HSF4: variants seen among roughly 807,000 people sequenced by gnomAD.
HSF4 encodes heat shock transcription factor 4.
A neutral mutation model predicts 52.0 loss-of-function variants in HSF4; 41 were observed. The observed-to-expected ratio is 0.79, with a 90% CI of 0.61 to 1.02. The LOEUF (loss-of-function observed/expected upper bound fraction) is 1.02, where lower values mean the gene tolerates loss of function less well. Among genes scored for constraint, HSF4 ranks in the 50% least tolerant of loss-of-function variants. The pLI, the probability that HSF4 is intolerant of heterozygous loss-of-function variation, is 0.00. For synonymous variants in HSF4, 285 were observed against 273.0 expected (o/e 1.04, Z -0.43); for missense variants, 610 against 651.1 (o/e 0.94, Z 0.69).
Position 67,168,822 on chromosome 16 carries a change from T to G in HSF4, c.1083-9T>G. On this transcript the variant is annotated splice_polypyrimidine_tract_variant and intron_variant, in intron 9 of 12. Coordinates refer to ENST00000521374, the MANE Select transcript of HSF4 (RefSeq NM_001374675.1). ...ACACTGCAGGCCAAAAGCAGTTCTG[T>G]CTGCACAGGGGGCCTCTGGGCCTGG... 6.2e-7 allele frequency: 1 copy of G among 1,610,822 alleles called. No individual in the cohort carries two copies. Among genetic ancestry groups the G allele is most frequent in the Non-Finnish European group, 8.5e-7 (1 of 1,177,618 alleles).
upstream of HSF4, chr16:67,164,646 T>C: frequency 1.9e-6 from 1 of 520,122 alleles, no homozygotes. Context: ...TGCTGGTGCC[T>C]CGGCCGCTGT....
At chr16:67,163,798 G>A (rs1247949823), upstream of HSF4, 1 of 1,563,022 alleles carries the variant, frequency 6.4e-7, no homozygotes, top group Non-Finnish European at 8.6e-7. Context: ...CCGCATCCCT[G>A]GAGGCCTACG....
chr16:67,165,008 C>A lies in HSF4; in HGVS notation c.123+74C>A. On this transcript the variant is annotated intron_variant, in intron 1 of 12. Transcript: ENST00000521374. This position sits in a 1 kb window ranked among gnomAD's most constrained non-coding sequence, Gnocchi z 6.9. ...ACGTCAGTGAACACCCATGCCCGCC[C>A]AACCCCCTCCTGAGACTGGGCCGTG... 1 of 1,439,082 alleles carries A rather than the reference C, an allele frequency of 6.9e-7. No individual in the cohort carries two copies. The highest frequency in any genetic ancestry group is 9.3e-7 in the Non-Finnish European group (1 of 1,075,344). 89.1% of individuals were successfully genotyped at this position (1,439,082 alleles called of 1,614,324 possible).
Position 67,169,406 on chromosome 16 carries a change from G to C in HSF4, c.1324+58G>C. 1 of 1,587,016 alleles carries C rather than the reference G, an allele frequency of 6.3e-7. No individual in the cohort carries two copies. The highest frequency in any genetic ancestry group is 8.6e-7 in the Non-Finnish European group (1 of 1,166,310). On this transcript the variant is annotated intron_variant, in intron 12 of 12. Coordinates refer to ENST00000521374, the MANE Select transcript of HSF4 (RefSeq NM_001374675.1). The surrounding 1 kb of genome is among the most constrained non-coding windows in gnomAD (Gnocchi z 4.3). ...CGCCGTGATTGGGCTGAGCTACCTT[G>C]ATTGAGTGAGGGGGCAATCTGCAAT...
In HSF4 at chr16:67,165,204, C is replaced by G. The variant is rs886795055; in HGVS notation, c.123+270C>G. Reference sequence around the variant, plus strand: ...CTACCCCATCCGACAGATGGGAAAACAGAGGCCGGGAGATGGGAAGGGCTG... The same window carrying G: ...CTACCCCATCCGACAGATGGGAAAAGAGAGGCCGGGAGATGGGAAGGGCTG... On this transcript the variant is annotated intron_variant, in intron 1 of 12. Coordinates refer to ENST00000521374, the MANE Select transcript of HSF4 (RefSeq NM_001374675.1). This position sits in a 1 kb window ranked among gnomAD's most constrained non-coding sequence, Gnocchi z 6.9. 8 of 593,220 alleles carry G rather than the reference C, an allele frequency of 1.3e-5. No homozygotes were observed. Among genetic ancestry groups the G allele is most frequent in the African/African-American group, 3.7e-5 (2 of 53,706 alleles). The allele number at this position is 593,220 out of a possible 1,614,324, so 36.7% of individuals were successfully genotyped here. A position where few individuals can be genotyped will look rare whatever the true frequency, so the allele number is the denominator to read the frequency against.
At position 67,169,653 on chromosome 16, in the gene HSF4, C is replaced by G; in HGVS notation, c.1347C>G (p.Ala449=). Residue 449 remains alanine, a synonymous_variant, in exon 13 of 13, where the codon GCC becomes GCG. Coordinates refer to ENST00000521374, the MANE Select transcript of HSF4 (RefSeq NM_001374675.1). This position sits in a 1 kb window ranked among gnomAD's most constrained non-coding sequence, Gnocchi z 4.3. ...TAGGGAAGGACCCCACGCTCGGGGC[C>G]CCACTCCTGCTGGATGTCCAGGCGG... is the stretch of plus-strand genomic sequence containing the variant. ...PSPGKDPTLG[A]PLLLDVQAAL... 1 of 1,610,430 alleles carries G rather than the reference C, an allele frequency of 6.2e-7. No individual in the cohort carries two copies. The highest frequency in any genetic ancestry group is 8.5e-7 in the Non-Finnish European group (1 of 1,179,984).
upstream of HSF4, chr16:67,163,880 G>GT (rs1190136361): frequency 2.6e-6 from 4 of 1,526,682 alleles, no homozygotes; most frequent in African/African-American, 4.2e-5. Flanking sequence ...GAACGGGGGG[G>GT]GTGTCCAGGC....
Position 67,164,745 on chromosome 16 carries a change from A to C in HSF4, c.-67A>C. 1.3e-6 allele frequency: 2 copies of C among 1,518,490 alleles called. No individual in the cohort carries two copies. Among genetic ancestry groups the C allele is most frequent in the South Asian group, 2.5e-5 (2 of 81,214 alleles). The allele number at this position is 1,518,490 out of a possible 1,614,324, so 94.1% of individuals were successfully genotyped here. On this transcript the variant is annotated 5_prime_UTR_variant, in exon 1 of 13. Transcript: ENST00000521374. The stretch of plus-strand genomic sequence containing the variant: ...GGGCGGAGCGGGCGGCAAACGCAGC[A>C]CTTTCCGCGGCTTTGACGAGCCCGC...
chr16:67,164,816 A>G lies in HSF4; in HGVS notation c.5A>G (p.Gln2Arg). Reference protein sequence around the residue: MQEAPAALPTEP... With the variant: MREAPAALPTEP... ...GAGCCGGGCCGAGACTGCACCATGC[A>G]GGAAGCGCCAGCTGCGCTGCCCACG... The change falls in exon 1 of 13, where the codon CAG (glutamine) becomes CGG (arginine). Residue 2 changes from glutamine to arginine, a missense_variant. Physicochemically the swap from Gln to Arg is conservative, Grantham distance 43 (BLOSUM62 1). Coordinates refer to ENST00000521374, the MANE Select transcript of HSF4 (RefSeq NM_001374675.1). 2 of 1,599,614 alleles carry G rather than the reference A, an allele frequency of 1.3e-6. No homozygotes were observed. Among genetic ancestry groups the G allele is most frequent in the Non-Finnish European group, 1.7e-6 (2 of 1,178,250 alleles).
chr16:67,169,858 A>C lies in HSF4; in HGVS notation c.*73A>C. The C allele has an allele frequency of 6.4e-7, 1 of 1,555,582 alleles. No individual in the cohort carries two copies. Among genetic ancestry groups the C allele is most frequent in the Non-Finnish European group, 8.8e-7 (1 of 1,130,178 alleles). Reference sequence around the variant, plus strand: ...CCTTCTTGGCTTCCTGGCGCCCCCTATCGGGGGTGAGCGAAGCCCCCACTA... The same window carrying C: ...CCTTCTTGGCTTCCTGGCGCCCCCTCTCGGGGGTGAGCGAAGCCCCCACTA... On this transcript the variant is annotated 3_prime_UTR_variant, in exon 13 of 13. Transcript: ENST00000521374. The surrounding 1 kb of genome is among the most constrained non-coding windows in gnomAD (Gnocchi z 4.3).
rs2031141217 is a variant in HSF4, at chr16:67,165,017, C to T, written c.123+83C>T. On this transcript the variant is annotated intron_variant, in intron 1 of 12. Transcript: ENST00000521374. This position sits in a 1 kb window ranked among gnomAD's most constrained non-coding sequence, Gnocchi z 6.9. ...AACACCCATGCCCGCCCAACCCCCT[C>T]CTGAGACTGGGCCGTGGATCCCCGG... is the stretch of plus-strand genomic sequence containing the variant. The T allele has an allele frequency of 7.2e-7, 1 of 1,393,872 alleles. No homozygotes were observed. The highest frequency in any genetic ancestry group is 1.9e-4 in the Middle Eastern group (1 of 5,168). The allele number at this position is 1,393,872 out of a possible 1,614,324, so 86.3% of individuals were successfully genotyped here.
Position 67,169,274 on chromosome 16 carries a change from C to T in HSF4, c.1255-5C>T, listed in dbSNP as rs375738633. 19 of 1,613,326 alleles carry T rather than the reference C, an allele frequency of 1.2e-5. No individual in the cohort carries two copies. The East Asian group carries it at 2.0e-4, about 17-fold the overall frequency. ...CCCCAGCTGCTCCCTGCGGTTCTCA[C>T]GCAGATGCAGCCCTTGGTTCCAGAG... On this transcript the variant is annotated splice_region_variant and splice_polypyrimidine_tract_variant and intron_variant, in intron 11 of 12. Transcript: ENST00000521374. The surrounding 1 kb of genome is among the most constrained non-coding windows in gnomAD (Gnocchi z 4.3).
chr16:67,169,243 T>TCCC lies in HSF4; in HGVS notation c.1255-34_1255-32dup. ...CCAGCTGTCCCCCTCAGCTGCTAGG[T>TCCC]CCCCTCCCCAGCTGCTCCCTGCGGT... is the stretch of plus-strand genomic sequence containing the variant. On this transcript the variant is annotated intron_variant, in intron 11 of 12. Coordinates refer to ENST00000521374, the MANE Select transcript of HSF4 (RefSeq NM_001374675.1). The surrounding 1 kb of genome is among the most constrained non-coding windows in gnomAD (Gnocchi z 4.3). 6.2e-7 allele frequency: 1 copy of TCCC among 1,612,156 alleles called. No homozygotes were observed. The highest frequency in any genetic ancestry group is 8.5e-7 in the Non-Finnish European group (1 of 1,179,586).
chr16:67,167,992 C>A, intron 9 of HSF4, 45 bp downstream of exon 9: 1 of 1,413,838 alleles, frequency 7.1e-7, no homozygotes, highest in Non-Finnish European at 9.7e-7. Context: ...GATAGAACAG[C>A]CCTTACCAGC....
Position 67,169,548 on chromosome 16 carries a change from G to A in HSF4, c.1325-83G>A, listed in dbSNP as rs2031595341. On this transcript the variant is annotated intron_variant, in intron 12 of 12. Coordinates refer to ENST00000521374, the MANE Select transcript of HSF4 (RefSeq NM_001374675.1). The surrounding 1 kb of genome is among the most constrained non-coding windows in gnomAD (Gnocchi z 4.3). ...ATGGATGTTTTATCCTAACTGAGCA[G>A]AAGGCAGGCGGGCAGGGCTCTCCTT... The A allele has an allele frequency of 1.3e-6, 2 of 1,598,564 alleles. No homozygotes were observed. The highest frequency in any genetic ancestry group is 2.7e-5 in the African/African-American group (2 of 74,844).
Position 67,169,879 on chromosome 16 carries a change from CA to C in HSF4, c.*95del, listed in dbSNP as rs2031628345. ...CCCTATCGGGGGTGAGCGAAGCCCCCACTACTAAATGGCCTCTCTCCACTAC... is the reference window on the plus strand; with the variant it reads ...CCCTATCGGGGGTGAGCGAAGCCCCCCTACTAAATGGCCTCTCTCCACTAC... On this transcript the variant is annotated 3_prime_UTR_variant, in exon 13 of 13. Coordinates refer to ENST00000521374, the MANE Select transcript of HSF4 (RefSeq NM_001374675.1). This position sits in a 1 kb window ranked among gnomAD's most constrained non-coding sequence, Gnocchi z 4.3. The C allele has an allele frequency of 6.6e-6, 9 of 1,369,950 alleles. No homozygotes were observed. Among genetic ancestry groups the C allele is most frequent in the Non-Finnish European group, 9.3e-6 (9 of 963,210 alleles). The allele number at this position is 1,369,950 out of a possible 1,614,324, so 84.9% of individuals were successfully genotyped here.
Position 67,167,528 on chromosome 16 carries a change from C to A in HSF4, c.783C>A (p.Ile261=). The A allele has an allele frequency of 6.2e-7, 1 of 1,613,806 alleles. No homozygotes were observed. Among genetic ancestry groups the A allele is most frequent in the Non-Finnish European group, 8.5e-7 (1 of 1,179,998 alleles). The change falls in exon 8 of 13, where the codon ATC becomes ATA. Residue 261 remains isoleucine, a synonymous_variant. Transcript: ENST00000521374. ...GLSPHRARGP[I]ISDIPEDSPS... ...GCCCTCACAGGGCCAGGGGCCCCAT[C>A]ATCTCTGACATCCCAGAAGACTCTC...
At position 67,169,881 on chromosome 16, in the gene HSF4, C is replaced by T; in HGVS notation, c.*96C>T. The T allele has an allele frequency of 1.5e-6, 2 of 1,316,762 alleles. No homozygotes were observed. Among genetic ancestry groups the T allele is most frequent in the Non-Finnish European group, 2.2e-6 (2 of 915,090 alleles). 81.6% of individuals were successfully genotyped at this position (1,316,762 alleles called of 1,614,324 possible). A position where few individuals can be genotyped will look rare whatever the true frequency, so the allele number is the denominator to read the frequency against. ...CTATCGGGGGTGAGCGAAGCCCCCA[C>T]TACTAAATGGCCTCTCTCCACTACC... On this transcript the variant is annotated 3_prime_UTR_variant, in exon 13 of 13. Transcript: ENST00000521374. The surrounding 1 kb of genome is among the most constrained non-coding windows in gnomAD (Gnocchi z 4.3).
chr16:67,165,517 G>A lies in HSF4; in HGVS notation c.124-5G>A. 1 of 1,612,756 alleles carries A rather than the reference G, an allele frequency of 6.2e-7. No homozygotes were observed. Among genetic ancestry groups the A allele is most frequent in the Non-Finnish European group, 8.5e-7 (1 of 1,179,690 alleles). Reference sequence around the variant, plus strand: ...CGCACGGTGGGCGGGCGGCGTTCTTGGTAGAGCGGGACCAGTTTCCTCGTA... The same window carrying A: ...CGCACGGTGGGCGGGCGGCGTTCTTAGTAGAGCGGGACCAGTTTCCTCGTA... On this transcript the variant is annotated splice_region_variant and splice_polypyrimidine_tract_variant and intron_variant, in intron 1 of 12. Coordinates refer to ENST00000521374, the MANE Select transcript of HSF4 (RefSeq NM_001374675.1). The surrounding 1 kb of genome is among the most constrained non-coding windows in gnomAD (Gnocchi z 6.9).
Sources: gnomAD v4.1 joint callset for allele counts on GRCh38, gnomAD v4.1.1 for gene constraint, Gnocchi (gnomAD v3.1) non-coding constraint, MANE v1.5 for transcripts, NCBI Gene and HGNC (gene_info 2026-07-23, HGNC 2026-07-21) for gene names.